The following CSMD1 variants were observed in gnomAD, a reference collection of about 807,000 sequenced individuals.
CSMD1 encodes the protein CUB and Sushi multiple domains 1.
A neutral mutation model predicts 417.5 loss-of-function variants in CSMD1; 213 were observed. The observed-to-expected ratio is 0.51, with a 90% CI of 0.46 to 0.57. CSMD1 has a LOEUF of 0.57. Ranked by LOEUF, CSMD1 falls within the 20% of genes least tolerant of loss-of-function variation. CSMD1 has a pLI of 0.00. For synonymous variants in CSMD1, 2,862 were observed against 1,736.8 expected (o/e 1.65, Z -16.11); for missense variants, 6,923 against 4,529.7 (o/e 1.53, Z -15.17).
intron 3 of CSMD1, among the ~76,000 whole-genome samples, chr8:4,253,339 T>C (rs1315858181): frequency 1.3e-5 from 2 of 152,148 alleles, no homozygotes; most frequent in African/African-American, 4.8e-5. Context: ...ACTATAGAAC[T>C]TATCACTGTA....
chr8:3,159,456 G>C (rs975749888), intron 38 of CSMD1, among the ~76,000 whole-genome samples: 1 of 152,202 alleles, frequency 6.6e-6, no homozygotes, highest in African/African-American at 2.4e-5. Flanking sequence ...TTCAGCGTGT[G>C]ATGTCATGGC....
At position 4,114,132 on chromosome 8, in the gene CSMD1, G is replaced by C. The variant is rs182443851; in HGVS notation, c.416-82033C>G. ...TCTAGGACTTTCATAGGAGGAAAGAGGGTAAGTCAATGCTTGGCTTAAAAA... is the reference window on the plus strand; with the variant it reads ...TCTAGGACTTTCATAGGAGGAAAGACGGTAAGTCAATGCTTGGCTTAAAAA... On this transcript the variant is annotated intron_variant, in intron 3 of 69. Transcript: ENST00000635120. 2.3e-4 allele frequency among the ~76,000 whole-genome samples: 35 copies of C among 152,310 alleles called. 1 individual carries two copies. In the East Asian group the frequency reaches 2.9e-3, roughly 13 times the overall value.
intron 41 of CSMD1, among the ~76,000 whole-genome samples, chr8:3,130,789 C>T (rs1389771136): frequency 5.3e-5 from 8 of 152,152 alleles, no homozygotes; most frequent in Admixed American, 5.2e-4. Context: ...ATTTCCTCCA[C>T]AGCAGGCACC....
intron 5 of CSMD1, among the ~76,000 whole-genome samples, chr8:3,961,529 A>G (rs1812320941): frequency 6.6e-6 from 1 of 151,694 alleles, no homozygotes; most frequent in Non-Finnish European, 1.5e-5. Flanking sequence ...CTTTGTGAAG[A>G]CAATAGGAAA....
intron 3 of CSMD1, among the ~76,000 whole-genome samples, chr8:4,398,597 G>C (rs138091484): frequency 2.0e-5 from 3 of 151,692 alleles, no homozygotes; most frequent in Non-Finnish European, 4.4e-5. Context: ...GGGTTTCACC[G>C]TGTTAGCCAG....
chr8:4,351,045 T>G (rs1315294176), intron 3 of CSMD1, among the ~76,000 whole-genome samples: 1 of 152,114 alleles, frequency 6.6e-6, no homozygotes, highest in Non-Finnish European at 1.5e-5. Context: ...AGAACAAATC[T>G]GCCTGGCTCA....
intron 1 of CSMD1, among the ~76,000 whole-genome samples, chr8:4,785,130 A>G (rs1797334492): frequency 6.6e-6 from 1 of 152,184 alleles, no homozygotes; most frequent in Non-Finnish European, 1.5e-5. Context: ...GAATTTTTAA[A>G]CCATGTGGAA....
intron 1 of CSMD1, among the ~76,000 whole-genome samples, chr8:4,960,518 G>C (rs1205185806): frequency 6.6e-6 from 1 of 152,254 alleles, no homozygotes; most frequent in South Asian, 2.1e-4. Flanking sequence ...GAACAAGATA[G>C]ATGTAAAGTT....
At chr8:3,975,739 A>C (rs1250800810) in intron 5 of CSMD1, among the ~76,000 whole-genome samples, 1 of 152,252 alleles carries the variant, frequency 6.6e-6, no homozygotes, top group African/African-American at 2.4e-5. Context: ...ACTTTAAAAT[A>C]AAACAGAAAA....
intron 8 of CSMD1, among the ~76,000 whole-genome samples, chr8:3,613,990 TA>T (rs1355071183): frequency 1.3e-5 from 2 of 151,830 alleles, no homozygotes; most frequent in Admixed American, 1.3e-4. Flanking sequence ...TATTTGTAGA[TA>T]ACAAAATCAC....
chr8:4,420,397 A>G (rs1797180019), intron 2 of CSMD1, among the ~76,000 whole-genome samples: 1 of 152,016 alleles, frequency 6.6e-6, no homozygotes, highest in Non-Finnish European at 1.5e-5. Flanking sequence ...TTTAAGTTAT[A>G]GGGTACATGT....
intron 2 of CSMD1, among the ~76,000 whole-genome samples, chr8:4,459,478 T>C (rs1399278691): frequency 6.6e-6 from 1 of 152,088 alleles, no homozygotes; most frequent in Non-Finnish European, 1.5e-5. Context: ...GGGCAGGAAA[T>C]TCAAATCCAA....
chr8:3,127,935 G>GAA (rs1199595140), intron 41 of CSMD1: 214 of 106,004 alleles, frequency 2.0e-3, no homozygotes, highest in African/African-American at 9.9e-3. Flanking sequence ...AGGAAGGAAG[G>GAA]GAAGGAAAGA....
intron 37 of CSMD1, among the ~76,000 whole-genome samples, chr8:3,180,425 T>C (rs1369004880): frequency 6.6e-6 from 1 of 152,176 alleles, no homozygotes; most frequent in African/African-American, 2.4e-5. Flanking sequence ...ATGACCATAA[T>C]CTAGGCAGAA....
intron 49 of CSMD1, among the ~76,000 whole-genome samples, chr8:3,074,942 G>C (rs1019193838): frequency 1.3e-5 from 2 of 152,148 alleles, no homozygotes; most frequent in Admixed American, 1.3e-4. Context: ...GTGGGGCCTG[G>C]AGGGAGGTGA....
chr8:4,225,260 T>C (rs1801278863), intron 3 of CSMD1, among the ~76,000 whole-genome samples: 1 of 152,210 alleles, frequency 6.6e-6, no homozygotes, highest in African/African-American at 2.4e-5. Context: ...CATCATTTTC[T>C]TCAAAATAGA....
chr8:4,951,729 T>C (rs1317842029), intron 1 of CSMD1, among the ~76,000 whole-genome samples: 2 of 151,764 alleles, frequency 1.3e-5, no homozygotes, highest in Non-Finnish European at 2.9e-5. Context: ...CCTATATTAA[T>C]AATGTTACTC....
chr8:2,986,323 T>G (rs1270746491), intron 54 of CSMD1, among the ~76,000 whole-genome samples: 2 of 152,072 alleles, frequency 1.3e-5, no homozygotes, highest in Non-Finnish European at 2.9e-5. Context: ...CTTCCTTGAT[T>G]CTTCATCTAA....
chr8:3,994,586 A>G (rs1375326628), intron 5 of CSMD1, among the ~76,000 whole-genome samples: 1 of 152,150 alleles, frequency 6.6e-6, no homozygotes, highest in African/African-American at 2.4e-5. Context: ...AGGGATTGAT[A>G]GGAAGCCAAC....
Sources: gnomAD v4.1 joint callset for allele counts (sites outside exome capture counted in the v4.1 genomes callset) on GRCh38, gnomAD v4.1.1 for gene constraint, MANE v1.5 for transcripts, NCBI Gene and HGNC (gene_info 2026-07-23, HGNC 2026-07-21) for gene names.